Variants in PCDHA1 observed in about 807,000 individuals in gnomAD.
The protein encoded by PCDHA1 is protocadherin alpha 1, also known as protocadherin alpha-1.
Under a neutral mutation model 61.3 loss-of-function variants are expected in PCDHA1, and 42 were observed. The observed-to-expected ratio is 0.69, with a 90% confidence interval of 0.54 to 0.89. The LOEUF (loss-of-function observed/expected upper bound fraction) is 0.89, where lower values mean the gene tolerates loss of function less well. Ranked by LOEUF, PCDHA1 falls within the 40% of genes least tolerant of loss-of-function variation. The pLI is 0.00. For missense variants in PCDHA1, 1,256 were observed against 1,235.3 expected (o/e 1.02, Z -0.25); for synonymous variants, 610 against 553.8 (o/e 1.10, Z -1.43).
rs200424378 is a variant in PCDHA1 at position 140,795,944 on chromosome 5, C to A, written c.2394+7260C>A. 468 of 1,613,824 alleles carry A rather than the reference C, an allele frequency of 2.9e-4. 1 individual carries two copies. The highest frequency in any genetic ancestry group is 7.6e-5 in the Non-Finnish European group (90 of 1,179,794). ...CAGGTCACTGCAACTGACAAAGGAA[C>A]CCCTTCAATGTCAGGACATTGTAAA... On this transcript the variant is annotated intron_variant, in intron 1 of 3. Transcript: ENST00000504120.
chr5:140,827,884 A>G (rs1769440863), intron 1 of PCDHA1: 1 of 684,502 alleles, frequency 1.5e-6, no homozygotes. Flanking sequence ...ACGTGAATTG[A>G]TTTCTTACCT....
At position 140,786,217 on chromosome 5, in the gene PCDHA1, G is replaced by T; in HGVS notation, c.-74G>T. The stretch of plus-strand genomic sequence containing the variant: ...AGACAGAAACGGTAAAGAGATAAAT[G>T]ATTGGAAATATTAGATAAAATGGCA... On this transcript the variant is annotated 5_prime_UTR_variant, in exon 1 of 4. It removes an upstream start codon present in the reference 5' UTR. Transcript: ENST00000504120. 9 of 1,498,332 alleles carry T rather than the reference G, an allele frequency of 6.0e-6. No homozygotes were observed. Among genetic ancestry groups the T allele is most frequent in the Non-Finnish European group, 8.0e-6 (9 of 1,118,332 alleles). 92.8% of individuals were successfully genotyped at this position (1,498,332 alleles called of 1,614,324 possible). A position where few individuals can be genotyped will look rare whatever the true frequency, so the allele number is the denominator to read the frequency against.
At chr5:140,853,611 G>A in intron 1 of PCDHA1, 1 of 988,014 alleles carries the variant, frequency 1.0e-6, no homozygotes. Flanking sequence ...AGGGGGTGCT[G>A]TAAATAAGTA....
chr5:140,808,972 C>A (rs1253536001), intron 1 of PCDHA1: 5 of 1,613,490 alleles, frequency 3.1e-6, no homozygotes, highest in Non-Finnish European at 4.2e-6. Context: ...CAAAGGTGCG[C>A]GCGGTGGATG....
At chr5:140,913,896 C>T (rs1440194616) in intron 1 of PCDHA1, among the ~76,000 whole-genome samples, 5 of 152,018 alleles carry the variant, frequency 3.3e-5, no homozygotes, top group African/African-American at 7.2e-5. Context: ...TCCAAAATTC[C>T]CCTTTTTTAT....
chr5:140,885,469 C>T (rs1338782835), intron 1 of PCDHA1, among the ~76,000 whole-genome samples: 1 of 152,156 alleles, frequency 6.6e-6, no homozygotes, highest in Admixed American at 6.5e-5. Flanking sequence ...GATGGGCAAT[C>T]ACTTTGTGTC....
chr5:140,939,613 A>T (rs2092423002), intron 1 of PCDHA1, among the ~76,000 whole-genome samples: 1 of 152,232 alleles, frequency 6.6e-6, no homozygotes, highest in African/African-American at 2.4e-5. Context: ...CAGAACAAGG[A>T]GACAAAAGAA....
chr5:140,881,230 G>A (rs1467821983), intron 1 of PCDHA1: 2 of 301,850 alleles, frequency 6.6e-6, no homozygotes, highest in Non-Finnish European at 9.8e-6. Flanking sequence ...GAAAATTAAA[G>A]TCAATTTAAA....
At chr5:140,875,346 T>A in intron 1 of PCDHA1, 1 of 1,443,436 alleles carries the variant, frequency 6.9e-7, no homozygotes, top group Non-Finnish European at 9.1e-7. Flanking sequence ...GACTCCATAA[T>A]GACTGTGATG....
chr5:141,000,417 ATATATTTTTT>A (rs2097924181), intron 3 of PCDHA1, among the ~76,000 whole-genome samples: 1 of 77,748 alleles, frequency 1.3e-5, no homozygotes, highest in Non-Finnish European at 2.3e-5. Context: ...ATATATATAT[ATATATTTTTT>A]TTTTTTTTTT....
chr5:140,923,557 A>C (rs1462470621), intron 1 of PCDHA1, among the ~76,000 whole-genome samples: 1 of 152,200 alleles, frequency 6.6e-6, no homozygotes, highest in African/African-American at 2.4e-5. Context: ...AATATCAGCA[A>C]TGAAAGGTCC....
At position 140,823,444 on chromosome 5, in the gene PCDHA1, G is replaced by A. The variant is rs201739706; in HGVS notation, c.2394+34760G>A. Reference sequence around the variant, plus strand: ...GACGCTGCAGGTGTTCGTGCTGGACGAGAACGACAACGCGCCGGCGCTGCT... The same window carrying A: ...GACGCTGCAGGTGTTCGTGCTGGACAAGAACGACAACGCGCCGGCGCTGCT... On this transcript the variant is annotated intron_variant, in intron 1 of 3. Transcript: ENST00000504120. 34 of 1,613,290 alleles carry A rather than the reference G, an allele frequency of 2.1e-5. No homozygotes were observed. Among genetic ancestry groups the A allele is most frequent in the African/African-American group, 5.3e-5 (4 of 74,920 alleles).
intron 1 of PCDHA1, chr5:140,881,460 G>T: frequency 1.6e-6 from 1 of 637,280 alleles, no homozygotes; most frequent in Non-Finnish European, 2.0e-6. Flanking sequence ...AAACCTTAGA[G>T]CATTGTTGTG....
intron 1 of PCDHA1, chr5:140,870,022 T>G (rs1554163715): frequency 6.2e-7 from 1 of 1,613,310 alleles, no homozygotes; most frequent in Admixed American, 1.7e-5. Context: ...CAATGGAACT[T>G]TAGATTATGA....
chr5:140,849,557 G>A (rs2150440607), intron 1 of PCDHA1: 1 of 1,598,482 alleles, frequency 6.3e-7, no homozygotes. Flanking sequence ...CTATCAAAAC[G>A]CTCTCGGTTC....
At chr5:140,947,192 C>G (rs958443362) in intron 1 of PCDHA1, among the ~76,000 whole-genome samples, 27 of 151,038 alleles carry the variant, frequency 1.8e-4, no homozygotes, top group African/African-American at 6.6e-4. Flanking sequence ...GTATACTACA[C>G]AGCCTTAAAA....
At chr5:140,966,868 G>A (rs781853403) in intron 1 of PCDHA1, 47 of 1,580,198 alleles carry the variant, frequency 3.0e-5, no homozygotes, top group Non-Finnish European at 3.7e-5. Flanking sequence ...TGTTGCTGCT[G>A]CTGCTACCTG....
intron 1 of PCDHA1, chr5:140,809,009 T>A: frequency 1.2e-6 from 2 of 1,613,662 alleles, no homozygotes; most frequent in Non-Finnish European, 1.7e-6. Context: ...CGCGTGGCTT[T>A]CGTACGAGCT....
chr5:140,857,745 C>T lies in PCDHA1; in HGVS notation c.2394+69061C>T. On this transcript the variant is annotated intron_variant, in intron 1 of 3. Coordinates refer to ENST00000504120, the MANE Select transcript of PCDHA1 (RefSeq NM_018900.4). Reference sequence around the variant, plus strand: ...AACGACAACGCTCCCGCGCTGCTGGCGTCTCCCGCTGGCAGCGCGGGCGGT... The same window carrying T: ...AACGACAACGCTCCCGCGCTGCTGGTGTCTCCCGCTGGCAGCGCGGGCGGT... 5.0e-6 allele frequency: 8 copies of T among 1,597,310 alleles called. 1 individual carries two copies. Among genetic ancestry groups the T allele is most frequent in the South Asian group, 1.1e-5 (1 of 90,480 alleles).
Sources: allele counts gnomAD v4.1 joint callset (sites outside exome capture counted in the v4.1 genomes callset), GRCh38; gene constraint gnomAD v4.1.1; transcripts MANE v1.5; gene names NCBI Gene and HGNC (gene_info 2026-07-23, HGNC 2026-07-21).